The following NADSYN1 variants were observed in gnomAD, a reference collection of about 807,000 sequenced individuals.
The protein encoded by NADSYN1 is glutamine-dependent NAD(+) synthetase.
A neutral mutation model predicts 99.3 loss-of-function variants in NADSYN1; 80 were observed. That is an observed-to-expected ratio of 0.81 (90% CI 0.67 to 0.97). The LOEUF (loss-of-function observed/expected upper bound fraction) is 0.97, where lower values mean the gene tolerates loss of function less well. NADSYN1 is among the 50% of genes least tolerant of loss of function. The pLI is 0.00. For synonymous variants in NADSYN1, 385 were observed against 372.1 expected (o/e 1.03, Z -0.40); for missense variants, 859 against 948.5 (o/e 0.91, Z 1.24).
chr11:71,455,377 A>G (rs1949506447), intron 2 of NADSYN1: 4 of 493,586 alleles, frequency 8.1e-6, no homozygotes, highest in African/African-American at 3.9e-5. Context: ...ATGTTGAGTA[A>G]TTAAAAGAAC....
chr11:71,455,864 G>A (rs1403546450), intron 2 of NADSYN1, among the ~76,000 whole-genome samples: 2 of 152,160 alleles, frequency 1.3e-5, no homozygotes, highest in Non-Finnish European at 2.9e-5. Flanking sequence ...ATAGGTTATC[G>A]TTTCTTATAT....
rs1354241909 is a variant in NADSYN1 at position 71,497,528 on chromosome 11, C to G, written c.1810C>G (p.Leu604Val). 6.2e-7 allele frequency: 1 copy of G among 1,613,974 alleles called. No homozygotes were observed. The highest frequency in any genetic ancestry group is 8.5e-7 in the Non-Finnish European group (1 of 1,180,022). ...TYAELSVYGK[L>V]RKVAKMGPYS... ...TGCGGAGCTCTCGGTCTATGGGAAA[C>G]TCAGGAAGGTGGCCAAGATGGGGCC... The change falls in exon 19 of 21, where the codon CTC becomes GTC. Residue 604 changes from leucine to valine, a missense_variant. Coordinates refer to ENST00000319023, the MANE Select transcript of NADSYN1 (RefSeq NM_018161.5).
In NADSYN1 at chr11:71,481,917, T is replaced by C. The variant is rs775006032; in HGVS notation, c.1048-6T>C. 6 of 1,612,484 alleles carry C rather than the reference T, an allele frequency of 3.7e-6. No individual in the cohort carries two copies. In the South Asian group the frequency reaches 5.5e-5, roughly 15 times the overall value. ...CTGCTCACGCTGTCTGATTGGTCCA[T>C]TCCAGGCAGGGTTTTTGCTGCCCTT... On this transcript the variant is annotated splice_region_variant and splice_polypyrimidine_tract_variant and intron_variant, in intron 12 of 20. Coordinates refer to ENST00000319023, the MANE Select transcript of NADSYN1 (RefSeq NM_018161.5).
At chr11:71,461,388 AAG>A (rs373624613) in intron 3 of NADSYN1, among the ~76,000 whole-genome samples, 8 of 152,298 alleles carry the variant, frequency 5.3e-5, no homozygotes, top group African/African-American at 1.9e-4. Flanking sequence ...GAACAGGAGC[AAG>A]AGAGAGAGGG....
rs942194818 is a variant in NADSYN1 at position 71,501,399 on chromosome 11, C to T, written c.*47C>T. On this transcript the variant is annotated 3_prime_UTR_variant, in exon 21 of 21. Coordinates refer to ENST00000319023, the MANE Select transcript of NADSYN1 (RefSeq NM_018161.5). Reference sequence around the variant, plus strand: ...CTCCTGTCCTCGGGGACCCCAGCACCTCATCATCAGCATTGCTGGAGCCAA... The same window carrying T: ...CTCCTGTCCTCGGGGACCCCAGCACTTCATCATCAGCATTGCTGGAGCCAA... 2.6e-6 allele frequency: 4 copies of T among 1,548,422 alleles called. No individual in the cohort carries two copies. The highest frequency in any genetic ancestry group is 2.4e-5 in the East Asian group (1 of 42,112).
At chr11:71,458,331 G>T in intron 2 of NADSYN1, 97 bp from the exon 3 acceptor site, 2 of 863,224 alleles carry the variant, frequency 2.3e-6, no homozygotes, top group Non-Finnish European at 3.8e-6. Flanking sequence ...CTGAGCCCCG[G>T]CCCCCAGACA....
At chr11:71,454,410 C>T (rs1386163122) in intron 1 of NADSYN1, among the ~76,000 whole-genome samples, 1 of 152,226 alleles carries the variant, frequency 6.6e-6, no homozygotes, top group African/African-American at 2.4e-5. Flanking sequence ...CAAGGTTTCA[C>T]CATGGTGGCC....
intron 5 of NADSYN1, among the ~76,000 whole-genome samples, chr11:71,470,266 C>T (rs1211782139): frequency 6.6e-6 from 1 of 152,256 alleles, no homozygotes; most frequent in East Asian, 1.9e-4. Context: ...AGCTATGATT[C>T]AAGATGAGAT....
intron 2 of NADSYN1, among the ~76,000 whole-genome samples, chr11:71,457,952 C>G (rs2120393287): frequency 6.6e-6 from 1 of 152,258 alleles, no homozygotes. Flanking sequence ...TGTGGACGGA[C>G]CTTTTTGGGG....
At chr11:71,499,282 C>T (rs1399310275) in intron 20 of NADSYN1, 1 of 152,184 alleles carries the variant, frequency 6.6e-6, no homozygotes, top group Admixed American at 6.5e-5. Flanking sequence ...CAGATGAGTT[C>T]ATTTCCTGTC....
intron 11 of NADSYN1, 73 bp downstream of exon 11, chr11:71,480,952 G>C: frequency 6.3e-7 from 1 of 1,584,396 alleles, no homozygotes; most frequent in Non-Finnish European, 8.6e-7. Flanking sequence ...GACTCCTGGA[G>C]GTCACGCAGT....
chr11:71,458,536 C>A lies in NADSYN1; in HGVS notation c.255C>A (p.Asp85Glu). 2 of 1,605,286 alleles carry A rather than the reference C, an allele frequency of 1.2e-6. No individual in the cohort carries two copies. The highest frequency in any genetic ancestry group is 1.7e-6 in the Non-Finnish European group (2 of 1,171,802). Residue 85 changes from aspartate to glutamate, a missense_variant, in exon 3 of 21, where the codon GAC becomes GAA. Transcript: ENST00000319023. ...CCGTCACTCAGGACATCATCTGCGA[C>A]GTGGGGATGTAAGTGCCAGTGTGAG... ...ESPVTQDIIC[D>E]VGMPVMHRNV...
intron 5 of NADSYN1, among the ~76,000 whole-genome samples, chr11:71,468,933 A>G (rs1348673950): frequency 2.0e-5 from 3 of 152,230 alleles, no homozygotes; most frequent in African/African-American, 7.2e-5. Context: ...TAAGCCCTGT[A>G]TGGGAAAAAA....
At chr11:71,492,245 C>T (rs1461096416) in intron 18 of NADSYN1, among the ~76,000 whole-genome samples, 1 of 152,194 alleles carries the variant, frequency 6.6e-6, no homozygotes, top group Non-Finnish European at 1.5e-5. Context: ...TCCTCCACTG[C>T]ATGCTGGCCC....
intron 3 of NADSYN1, among the ~76,000 whole-genome samples, chr11:71,462,348 T>C (rs1949556101): frequency 6.6e-6 from 1 of 152,144 alleles, no homozygotes; most frequent in Admixed American, 6.5e-5. Context: ...ACCCAGACAT[T>C]CCTTTCTATT....
Position 71,481,948 on chromosome 11 carries a change from G to A in NADSYN1, c.1073G>A (p.Gly358Asp), listed in dbSNP as rs750417321. Residue 358 changes from glycine (G) to aspartate (D), a missense_variant, in exon 13 of 21, where the codon GGC (glycine) becomes GAC (aspartate). Transcript: ENST00000319023. ...GCAGGGTTTTTGCTGCCCTTGAGTGGCGGGGTGGACAGCGCAGCCACCGCC... is the reference window on the plus strand; with the variant it reads ...GCAGGGTTTTTGCTGCCCTTGAGTGACGGGGTGGACAGCGCAGCCACCGCC... Reference protein sequence around the residue: ...QQAGFLLPLSGGVDSAATACL... With the variant: ...QQAGFLLPLSDGVDSAATACL... 9.3e-6 allele frequency: 15 copies of A among 1,608,780 alleles called. No individual in the cohort carries two copies. Among genetic ancestry groups the A allele is most frequent in the Non-Finnish European group, 1.2e-5 (14 of 1,177,792 alleles).
At chr11:71,494,538 CTTTTG>C (rs55943683) in intron 18 of NADSYN1, among the ~76,000 whole-genome samples, 8 of 144,678 alleles carry the variant, frequency 5.5e-5, no homozygotes, top group East Asian at 4.1e-4. Context: ...CCAAAAATTT[CTTTTG>C]TTTTGTTTTG....
intron 5 of NADSYN1, among the ~76,000 whole-genome samples, chr11:71,471,613 T>G (rs984021619): frequency 2.6e-5 from 4 of 152,148 alleles, no homozygotes; most frequent in Non-Finnish European, 5.9e-5. Flanking sequence ...GCATTTAAAA[T>G]GCATTTCGGT....
At chr11:71,472,139 C>A (rs1949631137) in intron 5 of NADSYN1, among the ~76,000 whole-genome samples, 1 of 152,194 alleles carries the variant, frequency 6.6e-6, no homozygotes, top group Admixed American at 6.5e-5. Flanking sequence ...GGCAACGTGG[C>A]CAGTTCTCAG....
Sources: allele counts gnomAD v4.1 joint callset (sites outside exome capture counted in the v4.1 genomes callset), GRCh38; gene constraint gnomAD v4.1.1; transcripts MANE v1.5; gene names NCBI Gene and HGNC (gene_info 2026-07-23, HGNC 2026-07-21).